CFLAR: variants seen among roughly 807,000 people sequenced by gnomAD.
CFLAR encodes CASP8 and FADD-like apoptosis regulator.
Under a neutral mutation model 51.1 loss-of-function variants are expected in CFLAR, and 14 were observed. That is an observed-to-expected ratio of 0.27 (90% confidence interval 0.18 to 0.43). CFLAR has a LOEUF of 0.43. CFLAR is among the 20% of genes least tolerant of loss of function. CFLAR has a pLI of 1.00. For missense variants in CFLAR, 390 were observed against 566.5 expected, an observed-to-expected ratio of 0.69 and a Z score of 3.16; for synonymous variants, 210 against 211.6, an observed-to-expected ratio of 0.99 and a Z score of 0.06.
At chr2:201,137,760 C>T (rs2050340194) in intron 4 of CFLAR, 2 of 917,752 alleles carry the variant, frequency 2.2e-6, no homozygotes, top group Middle Eastern at 3.2e-4. Context: ...CGCCTTATCC[C>T]CGTCGTTGAA....
rs13035714 is a variant in CFLAR at position 201,164,988 on chromosome 2, G to A, written c.*1015G>A. The A allele has an allele frequency of 0.42, 64,110 of 151,644 alleles. 13,860 individuals carry two copies. The highest frequency in any genetic ancestry group is 0.48 in the Non-Finnish European group (32,260 of 67,858). 9.4% of individuals were successfully genotyped at this position (151,644 alleles called of 1,614,324 possible). On this transcript the variant is annotated 3_prime_UTR_variant, in exon 10 of 10. Transcript: ENST00000309955. ...AAGGGCACAAATTCCATTCATGAGG[G>A]CTCTACCCTCATCACCTAATTACCT...
rs1285558024 is a variant in CFLAR, at chr2:201,116,269, GC to G, written c.-348del. The G allele has an allele frequency of 1.3e-5, 2 of 152,266 alleles. No individual in the cohort carries two copies. Among genetic ancestry groups the G allele is most frequent in the Non-Finnish European group, 2.9e-5 (2 of 68,064 alleles). 9.4% of individuals were successfully genotyped at this position (152,266 alleles called of 1,614,324 possible). A position where few individuals can be genotyped will look rare whatever the true frequency, so the allele number is the denominator to read the frequency against. On this transcript the variant is annotated 5_prime_UTR_variant, in exon 1 of 10. Transcript: ENST00000309955. The surrounding 1 kb of genome is among the most constrained non-coding windows in gnomAD (Gnocchi z 4.8). ...GGGGACTCGGCCTCACACAGTGAGT[GC>G]CGGCTATTGGACTTTTGTCCAGTGA...
intron 5 of CFLAR, chr2:201,140,660 AC>A (rs1487826176): frequency 2.2e-6 from 1 of 463,360 alleles, no homozygotes; most frequent in Non-Finnish European, 3.8e-6. Context: ...AAAATAAATC[AC>A]CTATATTCCA....
intron 1 of CFLAR, chr2:201,129,470 G>A (rs781146572): frequency 2.7e-5 from 9 of 338,558 alleles, no homozygotes; most frequent in Non-Finnish European, 4.2e-5. Flanking sequence ...GAAAAAGAAT[G>A]TGGGGTTTCC....
rs1329105096 is a variant in CFLAR at position 201,116,300 on chromosome 2, T to A, written c.-319T>A. The A allele has an allele frequency of 6.6e-6, 1 of 152,266 alleles. No homozygotes were observed. The highest frequency in any genetic ancestry group is 6.5e-5 in the Admixed American group (1 of 15,286). 9.4% of individuals were successfully genotyped at this position (152,266 alleles called of 1,614,324 possible). The stretch of plus-strand genomic sequence containing the variant: ...TATTGGACTTTTGTCCAGTGACAGC[T>A]GAGACAACAAGGACCACGGGAGGAG... On this transcript the variant is annotated 5_prime_UTR_variant, in exon 1 of 10. Coordinates refer to ENST00000309955, the MANE Select transcript of CFLAR (RefSeq NM_003879.7). The surrounding 1 kb of genome is among the most constrained non-coding windows in gnomAD (Gnocchi z 4.8).
intron 4 of CFLAR, chr2:201,137,617 T>C (rs1163648415): frequency 1.3e-6 from 1 of 754,478 alleles, no homozygotes; most frequent in Admixed American, 1.7e-5. Context: ...GAGTACATCA[T>C]GGACCGAAGG....
At chr2:201,134,408 G>A (rs922001209) in intron 3 of CFLAR, among the ~76,000 whole-genome samples, 19 of 152,096 alleles carry the variant, frequency 1.2e-4, no homozygotes, top group African/African-American at 4.3e-4. Context: ...GCTGAGCCGG[G>A]CAGATCACTT....
rs758207985 is a variant in CFLAR at position 201,136,127 on chromosome 2, A to G, written c.523+20A>G. 1.2e-6 allele frequency: 2 copies of G among 1,612,588 alleles called. No homozygotes were observed. Among genetic ancestry groups the G allele is most frequent in the Non-Finnish European group, 1.7e-6 (2 of 1,179,162 alleles). On this transcript the variant is annotated intron_variant, in intron 4 of 9. Transcript: ENST00000309955. ...AGTCTGGTAAGAATTTTGGCCTCTC[A>G]GTGGTCTAGGGGAAGTACTCTGTGC...
chr2:201,148,923 T>G (rs1475707768), intron 6 of CFLAR, 80 bp from the exon 7 acceptor site: 1 of 913,834 alleles, frequency 1.1e-6, no homozygotes, highest in African/African-American at 1.6e-5. Flanking sequence ...ACAGTTGTTA[T>G]ACAAAGAAAC....
rs575124328 is a variant in CFLAR at position 201,138,938 on chromosome 2, C to T, written c.524-1419C>T. On this transcript the variant is annotated intron_variant, in intron 4 of 9. Coordinates refer to ENST00000309955, the MANE Select transcript of CFLAR (RefSeq NM_003879.7). This position sits in a 1 kb window ranked among gnomAD's most constrained non-coding sequence, Gnocchi z 4.0. ...CTCATCAGCTATGAAGTCTATGAAT[C>T]CTGGGAGAATCAAGAAGTCGTTGTA... 3.2e-6 allele frequency: 2 copies of T among 624,952 alleles called. No individual in the cohort carries two copies. Among genetic ancestry groups the T allele is most frequent in the African/African-American group, 1.8e-5 (1 of 55,476 alleles). The allele number at this position is 624,952 out of a possible 1,614,324, so 38.7% of individuals were successfully genotyped here. A position where few individuals can be genotyped will look rare whatever the true frequency, so the allele number is the denominator to read the frequency against.
chr2:201,148,857 TG>T, intron 6 of CFLAR, 145 bp from the exon 7 acceptor site: 1 of 605,274 alleles, frequency 1.7e-6, no homozygotes, highest in Non-Finnish European at 3.0e-6. Context: ...GTTGAAACCT[TG>T]GGGCCAAGTA....
At chr2:201,146,047 G>A (rs1298514929) in intron 6 of CFLAR, among the ~76,000 whole-genome samples, 1 of 151,508 alleles carries the variant, frequency 6.6e-6, no homozygotes, top group African/African-American at 2.4e-5. Context: ...GCTCACTACA[G>A]CCTCCACCTC....
intron 2 of CFLAR, 34 bp downstream of exon 2, chr2:201,130,180 T>TGGGGGG: frequency 6.3e-5 from 5 of 79,256 alleles, no homozygotes; most frequent in South Asian, 1.8e-4. Flanking sequence ...GCTGGGTGGG[T>TGGGGGG]GGGAGGGAGT....
At chr2:201,159,960 G>A (rs1410633877) in intron 8 of CFLAR, among the ~76,000 whole-genome samples, 1 of 152,094 alleles carries the variant, frequency 6.6e-6, no homozygotes, top group Non-Finnish European at 1.5e-5. Context: ...TCACATGACT[G>A]AGAAGTTGGT....
intron 2 of CFLAR, 41 bp downstream of exon 2, chr2:201,130,187 G>GGGGGGGGGGGGGCCCCA: frequency 3.4e-6 from 1 of 292,392 alleles, no homozygotes; most frequent in Non-Finnish European, 7.1e-6. Flanking sequence ...GGGTGGGAGG[G>GGGGGGGGGGGGGCCCCA]AGTGAAGTGT....
In CFLAR at chr2:201,165,355, C is replaced by G. The variant is rs1477998788; in HGVS notation, c.*1382C>G. 6.6e-6 allele frequency: 1 copy of G among 151,142 alleles called. No individual in the cohort carries two copies. Among genetic ancestry groups the G allele is most frequent in the Non-Finnish European group, 1.5e-5 (1 of 67,818 alleles). 9.4% of individuals were successfully genotyped at this position (151,142 alleles called of 1,614,324 possible). A position where few individuals can be genotyped will look rare whatever the true frequency, so the allele number is the denominator to read the frequency against. On this transcript the variant is annotated 3_prime_UTR_variant, in exon 10 of 10. Transcript: ENST00000309955. The stretch of plus-strand genomic sequence containing the variant: ...GCATCATCTTGGCTCATTGCAACCT[C>G]TGCCTTCTGGGTTCAAGCGATTCTC...
intron 2 of CFLAR, 38 bp downstream of exon 2, chr2:201,130,184 A>C: frequency 4.4e-5 from 4 of 89,902 alleles, no homozygotes; most frequent in South Asian, 1.1e-4. Flanking sequence ...GGTGGGTGGG[A>C]GGGAGTGAAG....
In CFLAR at chr2:201,168,679, C is replaced by CTT. The variant is rs1401421633; in HGVS notation, c.*4707_*4708insTT. On this transcript the variant is annotated 3_prime_UTR_variant, in exon 10 of 10. Transcript: ENST00000309955. Reference sequence around the variant, plus strand: ...TCAAATAGGAAAAGAGGAAGTAAAACTGTGTTTGCAGATGACATGATACTA... The same window carrying CTT: ...TCAAATAGGAAAAGAGGAAGTAAAACTTTGTGTTTGCAGATGACATGATACTA... 8.8e-6 allele frequency: 1 copy of CTT among 114,118 alleles called. No homozygotes were observed. Among genetic ancestry groups the CTT allele is most frequent in the African/African-American group, 3.2e-5 (1 of 31,046 alleles). 7.1% of individuals were successfully genotyped at this position (114,118 alleles called of 1,614,324 possible). A position where few individuals can be genotyped will look rare whatever the true frequency, so the allele number is the denominator to read the frequency against.
Position 201,149,737 on chromosome 2 carries a change from C to A in CFLAR, c.712-17C>A, listed in dbSNP as rs1037682759. 3 of 1,595,346 alleles carry A rather than the reference C, an allele frequency of 1.9e-6. No individual in the cohort carries two copies. The African/African-American group carries it at 4.0e-5, about 21-fold the overall frequency. ...GCAATATCCAGAGTCTTTAGCATTT[C>A]TTGTCTTCCTTTCCAGAGCATACCT... On this transcript the variant is annotated splice_polypyrimidine_tract_variant and intron_variant, in intron 7 of 9. Transcript: ENST00000309955.
Sources: gnomAD v4.1 joint callset for allele counts (sites outside exome capture counted in the v4.1 genomes callset) on GRCh38, gnomAD v4.1.1 for gene constraint, Gnocchi (gnomAD v3.1) non-coding constraint, MANE v1.5 for transcripts, NCBI Gene and HGNC (gene_info 2026-07-23, HGNC 2026-07-21) for gene names.